Variants in CFAP57 observed in about 807,000 individuals in gnomAD.
CFAP57 encodes cilia and flagella associated protein 57.
A neutral mutation model predicts 146.8 loss-of-function variants in CFAP57; 116 were observed. The ratio of observed to expected loss-of-function variants is 0.79; its 90% CI spans 0.68 to 0.92. The LOEUF is 0.92. Ranked by LOEUF, CFAP57 falls within the 40% of genes least tolerant of loss-of-function variation. The probability of loss-of-function intolerance (pLI) is 0.00; values close to 1 mark genes in which losing one functional copy is unlikely to be tolerated. For synonymous variants in CFAP57, 518 were observed against 552.8 expected (o/e 0.94, Z 0.88); for missense variants, 1,377 against 1,527.2 (o/e 0.90, Z 1.64).
At chr1:43,176,515 G>C (rs140793583) in intron 2 of CFAP57, among the ~76,000 whole-genome samples, 2 of 152,162 alleles carry the variant, frequency 1.3e-5, no homozygotes, top group Non-Finnish European at 2.9e-5. Context: ...ATGATGCTCA[G>C]CTTGTTCAGC....
intron 11 of CFAP57, chr1:43,210,504 G>T: frequency 1.2e-6 from 1 of 818,840 alleles, no homozygotes; most frequent in Non-Finnish European, 1.5e-6. Context: ...AAAAGGAAGG[G>T]AATTCTGCAA....
At chr1:43,214,386 G>A (rs949997798) in intron 11 of CFAP57, among the ~76,000 whole-genome samples, 3 of 152,126 alleles carry the variant, frequency 2.0e-5, no homozygotes, top group Non-Finnish European at 2.9e-5. Flanking sequence ...TGTCCTGATT[G>A]TGGCTTTTTC....
intron 6 of CFAP57, among the ~76,000 whole-genome samples, chr1:43,188,180 A>G (rs1343430152): frequency 6.6e-6 from 1 of 152,122 alleles, no homozygotes; most frequent in Non-Finnish European, 1.5e-5. Flanking sequence ...ATAATATTTA[A>G]TTATATGGAT....
chr1:43,191,117 CT>C (rs990062037), intron 6 of CFAP57, among the ~76,000 whole-genome samples: 3 of 152,092 alleles, frequency 2.0e-5, no homozygotes, highest in African/African-American at 7.2e-5. Flanking sequence ...TGGAAAGTTT[CT>C]TTTTCTAATT....
At chr1:43,180,221 T>TA (rs1553169892) in intron 2 of CFAP57, among the ~76,000 whole-genome samples, 1 of 125,572 alleles carries the variant, frequency 8.0e-6, no homozygotes, top group Non-Finnish European at 1.6e-5. Flanking sequence ...AATATATATA[T>TA]TTTATATATA....
intron 9 of CFAP57, among the ~76,000 whole-genome samples, chr1:43,204,560 C>A (rs1644277513): frequency 6.6e-6 from 1 of 152,166 alleles, no homozygotes; most frequent in South Asian, 2.1e-4. Flanking sequence ...TCTGTAAAGT[C>A]TGTTTCCCCT....
At chr1:43,250,386 A>T (rs1646292989) in intron 22 of CFAP57, 1 of 152,188 alleles carries the variant, frequency 6.6e-6, no homozygotes, top group African/African-American at 2.4e-5. Context: ...GACTCCAAAG[A>T]ACACTGGGGC....
At position 43,254,060 on chromosome 1, in the gene CFAP57, C is replaced by A. The variant is rs1056388001; in HGVS notation, c.3622C>A (p.Arg1208Ser). 3 of 1,550,432 alleles carry A rather than the reference C, an allele frequency of 1.9e-6. No individual in the cohort carries two copies. The highest frequency in any genetic ancestry group is 2.6e-6 in the Non-Finnish European group (3 of 1,147,006). Residue 1208 changes from arginine to serine, a missense_variant, in exon 23 of 23, where the codon CGC (arginine) becomes AGC (serine). Coordinates refer to ENST00000372492, the MANE Select transcript of CFAP57 (RefSeq NM_001378189.1). ...AACTGGGAGGATCATTGAAATGCAG[C>A]GCCTAGAAATCCAGCGCCTCAGAGA... Reference protein sequence around the residue: ...EETGRIIEMQRLEIQRLRDQI... With the variant: ...EETGRIIEMQSLEIQRLRDQI...
Position 43,183,749 on chromosome 1 carries a change from T to G in CFAP57, c.633T>G (p.Ile211Met). ...ACACCTGGGTGGCTGATGACAAGAT[T>G]GTCGTTGGCACTGACACAGGCAAAC... The part of the protein sequence containing the change: ...LAHTWVADDK[I>M]VVGTDTGKLF... Residue 211 changes from isoleucine to methionine, a missense_variant, in exon 4 of 23, where the codon ATT (isoleucine) becomes ATG (methionine). Transcript: ENST00000372492. The G allele has an allele frequency of 6.2e-7, 1 of 1,614,214 alleles. No individual in the cohort carries two copies.
At chr1:43,253,953 C>T (rs1646380847) in intron 22 of CFAP57, 24 bp from the exon 23 acceptor site, 8 of 1,543,114 alleles carry the variant, frequency 5.2e-6, no homozygotes, top group Non-Finnish European at 7.0e-6. Context: ...GACAGGCCCA[C>T]ATGAGTCCTG....
At chr1:43,185,492 C>T (rs1415621830) in intron 5 of CFAP57, 136 bp downstream of exon 5, 2 of 799,718 alleles carry the variant, frequency 2.5e-6, no homozygotes, top group Middle Eastern at 3.4e-4. Context: ...AATGGTGACT[C>T]GAGATGTCTG....
chr1:43,218,069 G>A (rs1474534499), intron 12 of CFAP57, among the ~76,000 whole-genome samples: 1 of 152,162 alleles, frequency 6.6e-6, no homozygotes, highest in Non-Finnish European at 1.5e-5. Flanking sequence ...TCACTAGTCT[G>A]CTGGCCAGGA....
intron 21 of CFAP57, among the ~76,000 whole-genome samples, chr1:43,236,253 T>TG (rs973533610): frequency 1.3e-5 from 2 of 149,202 alleles, no homozygotes; most frequent in Non-Finnish European, 3.0e-5. Context: ...GGGCCCAGGG[T>TG]GGGGGGTGTG....
In CFAP57 at chr1:43,201,012, G is replaced by A. The variant is rs12026626; in HGVS notation, c.1542+1509G>A. On this transcript the variant is annotated intron_variant, in intron 9 of 22. Transcript: ENST00000372492. This position sits in a 1 kb window ranked among gnomAD's most constrained non-coding sequence, Gnocchi z 4.4. ...GGAACTAAACCATGACTTTAGTAGCGGAGGCAGAGAGAAGAAAGAGATGAA... is the reference window on the plus strand; with the variant it reads ...GGAACTAAACCATGACTTTAGTAGCAGAGGCAGAGAGAAGAAAGAGATGAA... Among the ~76,000 whole-genome samples, 10,372 of 152,226 alleles carry A rather than the reference G, an allele frequency of 0.068. 708 individuals are homozygous for A. The highest frequency in any genetic ancestry group is 0.29 in the East Asian group (1,490 of 5,180).
intron 4 of CFAP57, 83 bp downstream of exon 4, chr1:43,183,960 T>C (rs1202464677): frequency 6.4e-7 from 1 of 1,552,850 alleles, no homozygotes; most frequent in Non-Finnish European, 8.8e-7. Flanking sequence ...TAGAAACCAC[T>C]CATAACCCCT....
intron 6 of CFAP57, among the ~76,000 whole-genome samples, chr1:43,188,188 G>T (rs1271293799): frequency 6.6e-6 from 1 of 152,110 alleles, no homozygotes; most frequent in African/African-American, 2.4e-5. Flanking sequence ...TAATTATATG[G>T]ATATACTATA....
chr1:43,175,472 C>G (rs1183237075), intron 2 of CFAP57, among the ~76,000 whole-genome samples: 1 of 150,306 alleles, frequency 6.7e-6, no homozygotes, highest in East Asian at 1.9e-4. Context: ...TCCAAACCAT[C>G]TCAACTCCAT....
At chr1:43,206,209 C>T (rs10890243) in intron 9 of CFAP57, 27,610 of 155,272 alleles carry the variant, frequency 0.18, 3,583 homozygotes, top group African/African-American at 0.34. Context: ...GATCCTTCCA[C>T]CTCAGCCTCC....
rs548280813 is a variant in CFAP57 at position 43,224,080 on chromosome 1, C to T, written c.2741C>T (p.Thr914Ile). ...SSLQKEIEER[T>I]NDIETLKGEQ... is the part of the protein sequence containing the mutation. Reference sequence around the variant, plus strand: ...CTACAGAAGGAGATTGAAGAACGAACCAATGACATCGAGACCCTAAAAGGA... The same window carrying T: ...CTACAGAAGGAGATTGAAGAACGAATCAATGACATCGAGACCCTAAAAGGA... Residue 914 changes from threonine (T) to isoleucine (I), a missense_variant, in exon 17 of 23, where the codon ACC (threonine) becomes ATC (isoleucine). Transcript: ENST00000372492. 6.4e-7 allele frequency: 1 copy of T among 1,550,520 alleles called. No homozygotes were observed. Among genetic ancestry groups the T allele is most frequent in the South Asian group, 1.2e-5 (1 of 84,056 alleles).
Sources: gnomAD v4.1 joint callset for allele counts (sites outside exome capture counted in the v4.1 genomes callset) on GRCh38, gnomAD v4.1.1 for gene constraint, Gnocchi (gnomAD v3.1) non-coding constraint, MANE v1.5 for transcripts, NCBI Gene and HGNC (gene_info 2026-07-23, HGNC 2026-07-21) for gene names.